Variants in GLIS3 observed in about 807,000 individuals in gnomAD.
GLIS3 encodes zinc finger protein GLIS3.
GLIS3 carries 53 observed loss-of-function variants against 78.6 expected under a neutral mutation model. The observed-to-expected ratio is 0.67, with a 90% CI of 0.54 to 0.85. The LOEUF (loss-of-function observed/expected upper bound fraction) is 0.85. Among genes scored for constraint, GLIS3 ranks in the 40% least tolerant of loss-of-function variants. GLIS3 has a pLI of 0.00. For synonymous variants in GLIS3, 684 were observed against 509.9 expected, an observed-to-expected ratio of 1.34 and a Z score of -4.60; for missense variants, 1,703 against 1,231.1, an observed-to-expected ratio of 1.38 and a Z score of -5.74.
chr9:3,920,153 G>C (rs1049781730), intron 6 of GLIS3, among the ~76,000 whole-genome samples: 1 of 151,860 alleles, frequency 6.6e-6, no homozygotes, highest in East Asian at 1.9e-4. Flanking sequence ...ACAGGCGCCC[G>C]CCACCACACC....
At chr9:4,289,237 G>A (rs1376865854) in intron 1 of GLIS3, among the ~76,000 whole-genome samples, 1 of 151,970 alleles carries the variant, frequency 6.6e-6, no homozygotes, top group African/African-American at 2.4e-5. Context: ...TATTCATTAC[G>A]GCCTCTTGAA....
At chr9:3,926,220 T>C (rs1342816642) in intron 6 of GLIS3, among the ~76,000 whole-genome samples, 1 of 149,952 alleles carries the variant, frequency 6.7e-6, no homozygotes, top group African/African-American at 2.4e-5. Flanking sequence ...ACTAAAGCAA[T>C]GCTTTTTCTT....
intron 2 of GLIS3, among the ~76,000 whole-genome samples, chr9:4,179,038 C>T (rs1478333765): frequency 6.6e-6 from 1 of 152,204 alleles, no homozygotes; most frequent in East Asian, 1.9e-4. Flanking sequence ...GACAGCCATT[C>T]TGCAATCACA....
intron 2 of GLIS3, among the ~76,000 whole-genome samples, chr9:4,275,385 G>A (rs943778018): frequency 2.0e-5 from 3 of 152,114 alleles, no homozygotes; most frequent in African/African-American, 7.2e-5. Context: ...TAGAGAGAAG[G>A]AGAAAGATTT....
chr9:4,289,623 G>A (rs1828280898), intron 1 of GLIS3, among the ~76,000 whole-genome samples: 1 of 151,878 alleles, frequency 6.6e-6, no homozygotes, highest in Non-Finnish European at 1.5e-5. Flanking sequence ...TTTCTCCTCT[G>A]TTCTCCATCG....
the GLIS3 span, among the ~76,000 whole-genome samples, chr9:4,474,958 A>G: frequency 6.8e-6 from 1 of 147,458 alleles, no homozygotes; most frequent in Non-Finnish European, 1.5e-5. Flanking sequence ...AACTTAAAGG[A>G]AACTTTTCAT....
chr9:4,225,369 A>T (rs940222990), intron 2 of GLIS3, among the ~76,000 whole-genome samples: 3 of 152,222 alleles, frequency 2.0e-5, no homozygotes, highest in Non-Finnish European at 4.4e-5. Context: ...GAACCTCTGC[A>T]TGATGAGAAC....
intron 4 of GLIS3, among the ~76,000 whole-genome samples, chr9:3,972,043 G>A (rs586217): frequency 0.3 from 46,101 of 152,070 alleles, 8,497 homozygotes; most frequent in African/African-American, 0.51. Flanking sequence ...TACTGCTCAC[G>A]TAACACACTA....
At chr9:4,402,046 C>A in the GLIS3 span, among the ~76,000 whole-genome samples, 1 of 152,112 alleles carries the variant, frequency 6.6e-6, no homozygotes, top group African/African-American at 2.4e-5. Flanking sequence ...CTGGACATGC[C>A]CAGGGCCTAG....
At chr9:4,292,477 G>C (rs1563909667) in intron 1 of GLIS3, among the ~76,000 whole-genome samples, 1 of 152,112 alleles carries the variant, frequency 6.6e-6, no homozygotes. Flanking sequence ...TACTTACCAA[G>C]AACAGCTGCA....
Position 4,045,263 on chromosome 9 carries a change from C to A in GLIS3, c.1710+72505G>T, listed in dbSNP as rs569376237. Among the ~76,000 whole-genome samples, 3 of 152,264 alleles carry A rather than the reference C, an allele frequency of 2.0e-5. No homozygotes were observed. In the South Asian group the frequency reaches 6.2e-4, roughly 32 times the overall value. On this transcript the variant is annotated intron_variant, in intron 4 of 10. Transcript: ENST00000381971. ...TGCAAATGAAGGAAACTGATGTACA[C>A]ACTGGACCTTGTGGATTTCACGTAA...
chr9:4,258,243 A>T (rs921678620), intron 2 of GLIS3, among the ~76,000 whole-genome samples: 5 of 152,232 alleles, frequency 3.3e-5, no homozygotes, highest in African/African-American at 7.2e-5. Flanking sequence ...CAGAATTCAA[A>T]AAAGGACTTA....
chr9:3,862,775 C>T (rs759719303), intron 8 of GLIS3, among the ~76,000 whole-genome samples: 11 of 152,084 alleles, frequency 7.2e-5, no homozygotes, highest in African/African-American at 1.2e-4. Context: ...GTCTCTTCCA[C>T]GGCGGCTACA....
At chr9:4,315,634 T>A (rs945706498) in intron 2 of GLIS3, among the ~76,000 whole-genome samples, 2 of 152,080 alleles carry the variant, frequency 1.3e-5, no homozygotes, top group African/African-American at 4.8e-5. Flanking sequence ...ACACCTCACT[T>A]TGTGTGGCTA....
At position 3,883,532 on chromosome 9, in the gene GLIS3, A is replaced by G. The variant is rs574085659; in HGVS notation, c.2129-3937T>C. ...AAAAACTTCCTTTCATACACATTCAAAATAATTTTCCAAACTCAACGAATA... is the reference window on the plus strand; with the variant it reads ...AAAAACTTCCTTTCATACACATTCAGAATAATTTTCCAAACTCAACGAATA... On this transcript the variant is annotated intron_variant, in intron 7 of 10. Coordinates refer to ENST00000381971, the MANE Select transcript of GLIS3 (RefSeq NM_001042413.2). Among the ~76,000 whole-genome samples the G allele has an allele frequency of 7.2e-5, 11 of 152,308 alleles. No individual in the cohort carries two copies. In the South Asian group the frequency reaches 2.3e-3, roughly 32 times the overall value.
intron 5 of GLIS3, among the ~76,000 whole-genome samples, chr9:3,935,352 A>G (rs764371740): frequency 6.6e-6 from 1 of 152,176 alleles, no homozygotes; most frequent in Admixed American, 6.5e-5. Flanking sequence ...TTCCAAAAAA[A>G]ATAGCTGAGT....
chr9:3,954,592 G>C (rs921958327), intron 4 of GLIS3, among the ~76,000 whole-genome samples: 1 of 152,212 alleles, frequency 6.6e-6, no homozygotes, highest in African/African-American at 2.4e-5. Context: ...TAATCCATAT[G>C]CAAATTTCCT....
intron 4 of GLIS3, among the ~76,000 whole-genome samples, chr9:3,970,547 T>C (rs557702854): frequency 4.5e-4 from 69 of 152,118 alleles, no homozygotes; most frequent in Non-Finnish European, 9.4e-4. Flanking sequence ...CAGTGTTACC[T>C]TGCCCCTGAA....
chr9:4,178,224 G>A (rs1406252161), intron 2 of GLIS3, among the ~76,000 whole-genome samples: 1 of 152,170 alleles, frequency 6.6e-6, no homozygotes, highest in African/African-American at 2.4e-5. Context: ...TAGAGTTGCT[G>A]AGTAAGACAG....
Sources: allele counts gnomAD v4.1 joint callset (sites outside exome capture counted in the v4.1 genomes callset), GRCh38; gene constraint gnomAD v4.1.1; transcripts MANE v1.5; gene names NCBI Gene and HGNC (gene_info 2026-07-23, HGNC 2026-07-21).